The following SRMS variants were observed in gnomAD, a reference collection of about 807,000 sequenced individuals.
SRMS encodes the protein src-related kinase lacking C-terminal regulatory tyrosine and N-terminal myristylation sites, also known as tyrosine-protein kinase Srms.
A neutral mutation model predicts 43.5 loss-of-function variants in SRMS; 42 were observed. That is an observed-to-expected ratio of 0.97 (90% CI 0.75 to 1.25). SRMS has a LOEUF of 1.25. Among genes scored for constraint, SRMS ranks in the 50% most tolerant of loss-of-function variants. SRMS has a pLI of 0.00. For synonymous variants in SRMS, 316 were observed against 308.2 expected (o/e 1.03, Z -0.27); for missense variants, 703 against 681.0 (o/e 1.03, Z -0.36).
rs555715787 is a variant in SRMS, at chr20:63,545,643, G to A, written c.357-1295C>T. Among the ~76,000 whole-genome samples the A allele has an allele frequency of 1.3e-3, 204 of 152,326 alleles. 1 individual carries two copies. The highest frequency in any genetic ancestry group is 2.1e-3 in the Non-Finnish European group (141 of 68,026). ...AGGAATAGAAACTGACATGACCAGG[G>A]CCGTGGGGCTGGGCTTAAGTTGAAG... On this transcript the variant is annotated intron_variant, in intron 1 of 7. Transcript: ENST00000217188.
chr20:63,543,698 T>C (rs571999881), intron 2 of SRMS: 1 of 577,290 alleles, frequency 1.7e-6, no homozygotes, highest in South Asian at 2.3e-5. Flanking sequence ...CTGCTGACGG[T>C]GTGCACAGAG....
chr20:63,546,278 G>A (rs1049732931), intron 1 of SRMS, among the ~76,000 whole-genome samples: 2 of 150,068 alleles, frequency 1.3e-5, no homozygotes, highest in East Asian at 2.3e-4. Context: ...CTGTGACTCC[G>A]GCTTCACCCG....
rs369662659 is a variant in SRMS, at chr20:63,544,399, C to T, written c.357-51G>A. The T allele has an allele frequency of 2.1e-6, 3 of 1,421,456 alleles. No homozygotes were observed. The African/African-American group carries it at 4.5e-5, about 21-fold the overall frequency. The allele number at this position is 1,421,456 out of a possible 1,614,324, so 88.1% of individuals were successfully genotyped here. On this transcript the variant is annotated intron_variant, in intron 1 of 7. Coordinates refer to ENST00000217188, the MANE Select transcript of SRMS (RefSeq NM_080823.4). ...CCTTGCAGGCCCCTCAGCCAGTGGC[C>T]CCACATGCTCTCCTCCGTGTTGCCG...
At position 63,547,524 on chromosome 20, in the gene SRMS, C is replaced by A; in HGVS notation, c.-61G>T. On this transcript the variant is annotated 5_prime_UTR_variant, in exon 1 of 8. Transcript: ENST00000217188. ...GGAGCCCGCGAGCCCGGAAGAGGAA[C>A]TGGCAGGGCCGGTGGGACCCGGTGT... is the stretch of plus-strand genomic sequence containing the variant. The A allele has an allele frequency of 2.8e-6, 4 of 1,403,782 alleles. No individual in the cohort carries two copies. The highest frequency in any genetic ancestry group is 3.7e-6 in the Non-Finnish European group (4 of 1,070,548). 87.0% of individuals were successfully genotyped at this position (1,403,782 alleles called of 1,614,324 possible). A position where few individuals can be genotyped will look rare whatever the true frequency, so the allele number is the denominator to read the frequency against.
chr20:63,547,477 C>A lies in SRMS; in HGVS notation c.-14G>T. On this transcript the variant is annotated 5_prime_UTR_variant, in exon 1 of 8. Coordinates refer to ENST00000217188, the MANE Select transcript of SRMS (RefSeq NM_080823.4). ...GAACGGCTCCATCCCCCGGGGTCACCACGCTGGGCCCGAGGGCCATGGGAG... is the reference window on the plus strand; with the variant it reads ...GAACGGCTCCATCCCCCGGGGTCACAACGCTGGGCCCGAGGGCCATGGGAG... 1 of 1,465,334 alleles carries A rather than the reference C, an allele frequency of 6.8e-7. No individual in the cohort carries two copies. The highest frequency in any genetic ancestry group is 9.0e-7 in the Non-Finnish European group (1 of 1,105,706). 90.8% of individuals were successfully genotyped at this position (1,465,334 alleles called of 1,614,324 possible).
chr20:63,541,122 CGTCCAGGCCCGG>C, intron 7 of SRMS, 57 bp downstream of exon 7: 1 of 1,552,400 alleles, frequency 6.4e-7, no homozygotes, highest in Non-Finnish European at 8.7e-7. Flanking sequence ...TTGCCGACAG[CGTCCAGGCCCGG>C]GGCCAGTGAC....
chr20:63,542,838 G>T (rs1002449850), intron 3 of SRMS, among the ~76,000 whole-genome samples: 2 of 152,178 alleles, frequency 1.3e-5, no homozygotes, highest in Admixed American at 1.3e-4. Flanking sequence ...ACTGCCCCTG[G>T]CCGCGCTGTC....
At position 63,547,328 on chromosome 20, in the gene SRMS, C is replaced by A; in HGVS notation, c.136G>T (p.Ala46Ser). 6.3e-7 allele frequency: 1 copy of A among 1,593,874 alleles called. No homozygotes were observed. The highest frequency in any genetic ancestry group is 1.7e-5 in the Admixed American group (1 of 58,170). Reference sequence around the variant, plus strand: ...TGAGGGAAGGGGCTGCAAGGCTCGGCGGGGAGCGTGGGCACTGGGTCAGTG... The same window carrying A: ...TGAGGGAAGGGGCTGCAAGGCTCGGAGGGGAGCGTGGGCACTGGGTCAGTG... ...PNTDPVPTLPAEPCSPFPQLF... is the reference protein window; with the variant it reads ...PNTDPVPTLPSEPCSPFPQLF... The change falls in exon 1 of 8, where the codon GCC (alanine) becomes TCC (serine). Residue 46 changes from alanine to serine, a missense_variant. Ala to Ser is a moderately conservative substitution (Grantham distance 99). Transcript: ENST00000217188.
In SRMS at chr20:63,540,863, G is replaced by T; in HGVS notation, c.1422C>A (p.Ala474=). The T allele has an allele frequency of 6.2e-7, 1 of 1,605,954 alleles. No homozygotes were observed. The highest frequency in any genetic ancestry group is 8.5e-7 in the Non-Finnish European group (1 of 1,179,110). Residue 474 remains alanine (A), a synonymous_variant, in exon 8 of 8, where the codon GCC becomes GCA. Coordinates refer to ENST00000217188, the MANE Select transcript of SRMS (RefSeq NM_080823.4). ...TGGCGTGCAGCTTCTCCCGCAGCGTGGCGAAGGAGGGCCGTTCCTCGGGGC... is the reference window on the plus strand; with the variant it reads ...TGGCGTGCAGCTTCTCCCGCAGCGTTGCGAAGGAGGGCCGTTCCTCGGGGC... The part of the protein sequence containing the change: ...RSSPEERPSF[A]TLREKLHAIH...
At position 63,538,727 on chromosome 20, in the gene SRMS, G is replaced by A. The variant is rs1180824788; in HGVS notation, c.*2091C>T. 7.6e-6 allele frequency among the ~76,000 whole-genome samples: 1 copy of A among 132,414 alleles called. No individual in the cohort carries two copies. Among genetic ancestry groups the A allele is most frequent in the Non-Finnish European group, 1.6e-5 (1 of 61,324 alleles). 86.9% of individuals were successfully genotyped at this position (132,414 alleles called of 152,430 possible). A position where few individuals can be genotyped will look rare whatever the true frequency, so the allele number is the denominator to read the frequency against. On this transcript the variant is annotated 3_prime_UTR_variant, in exon 8 of 8. Transcript: ENST00000217188. ...GAGGATGCAGGGGGAGGGGTGGGGGGTGGGGAATGCGGAAGGAGGGTGCCG... is the reference window on the plus strand; with the variant it reads ...GAGGATGCAGGGGGAGGGGTGGGGGATGGGGAATGCGGAAGGAGGGTGCCG...
chr20:63,541,579 AGCCCAGGAGTGGCGGCAGAC>A lies in SRMS; in HGVS notation c.968_987del (p.Arg323LeufsTer7). ...ATGCCCTCAGCCACCTGGCAGGCAAAGCCCAGGAGTGGCGGCAGACGCAGGGCCCGGCCCTCGGGGGCTGC... is the reference window on the plus strand; with the variant it reads ...ATGCCCTCAGCCACCTGGCAGGCAAAGCAGGGCCCGGCCCTCGGGGGCTGC... On this transcript the variant is annotated frameshift_variant, in exon 6 of 8. Coordinates refer to ENST00000217188, the MANE Select transcript of SRMS (RefSeq NM_080823.4). LOFTEE classifies it high-confidence loss of function. 1 of 1,575,310 alleles carries A rather than the reference AGCCCAGGAGTGGCGGCAGAC, an allele frequency of 6.3e-7. No homozygotes were observed. The highest frequency in any genetic ancestry group is 1.1e-5 in the South Asian group (1 of 87,746).
chr20:63,542,681 C>G, intron 3 of SRMS, 100 bp from the exon 4 acceptor site: 1 of 1,377,394 alleles, frequency 7.3e-7, no homozygotes, highest in African/African-American at 1.5e-5. Flanking sequence ...ACCCCTGTCC[C>G]CAGCACACAC....
Position 63,542,563 on chromosome 20 carries a change from C to G in SRMS, c.664G>C (p.Val222Leu). The G allele has an allele frequency of 6.5e-7, 1 of 1,529,624 alleles. No individual in the cohort carries two copies. Among genetic ancestry groups the G allele is most frequent in the Non-Finnish European group, 8.9e-7 (1 of 1,127,740 alleles). 94.8% of individuals were successfully genotyped at this position (1,529,624 alleles called of 1,614,324 possible). A position where few individuals can be genotyped will look rare whatever the true frequency, so the allele number is the denominator to read the frequency against. ...AATTCGGAGTGTGGCCGCTCCCACA[C>G]GTCCTGCCTCGGGGCCTTCTGCAGG... ...CMPQKAPRQD[V>L]WERPHSEFAL... Residue 222 changes from valine to leucine, a missense_variant, in exon 4 of 8, where the codon GTG becomes CTG. Val to Leu is a conservative substitution (Grantham distance 32). Transcript: ENST00000217188.
intron 7 of SRMS, 33 bp from the exon 8 acceptor site, chr20:63,541,032 C>T (rs1266512001): frequency 6.2e-7 from 1 of 1,606,672 alleles, no homozygotes; most frequent in Non-Finnish European, 8.5e-7. Flanking sequence ...TGCCTCGATT[C>T]TGCCTGGGGG....
intron 1 of SRMS, among the ~76,000 whole-genome samples, chr20:63,546,108 G>C (rs993443762): frequency 6.6e-6 from 1 of 152,128 alleles, no homozygotes; most frequent in Non-Finnish European, 1.5e-5. Context: ...GCTCCACCAC[G>C]AGCCCTGCCC....
At position 63,542,155 on chromosome 20, in the gene SRMS, G is replaced by A; in HGVS notation, c.946+8C>T. 1.2e-6 allele frequency: 2 copies of A among 1,603,980 alleles called. No homozygotes were observed. Among genetic ancestry groups the A allele is most frequent in the Non-Finnish European group, 8.5e-7 (1 of 1,173,408 alleles). On this transcript the variant is annotated splice_region_variant and intron_variant, in intron 5 of 7. Transcript: ENST00000217188. ...TCAGGGCCACGTGGCAGCAGGGAGG[G>A]GACTCACTGCCCAGGAAGGCCTGCA...
intron 2 of SRMS, 69 bp from the exon 3 acceptor site, chr20:63,543,549 G>A (rs2082715939): frequency 1.9e-6 from 3 of 1,559,796 alleles, no homozygotes; most frequent in East Asian, 4.5e-5. Context: ...CACCCCAGAG[G>A]ATGCTGGCCA....
chr20:63,543,177 T>G, intron 3 of SRMS, 137 bp downstream of exon 3: 1 of 1,061,678 alleles, frequency 9.4e-7, no homozygotes. Flanking sequence ...GATGCTCCGA[T>G]GCTCCCAGGC....
rs540850265 is a variant in SRMS, at chr20:63,547,739, G to A, written c.-276C>T. On this transcript the variant is annotated 5_prime_UTR_variant, in exon 1 of 8. In the 5' UTR this introduces an upstream ATG that the reference lacks. Coordinates refer to ENST00000217188, the MANE Select transcript of SRMS (RefSeq NM_080823.4). ...ACCTCCTGTCCTCGACCTCCTTGGC[G>A]TCTGGAGTGCACCGTCCCCTCCCCA... is the stretch of plus-strand genomic sequence containing the variant. Among the ~76,000 whole-genome samples, 6 of 152,334 alleles carry A rather than the reference G, an allele frequency of 3.9e-5. No homozygotes were observed. The highest frequency in any genetic ancestry group is 2.1e-4 in the South Asian group (1 of 4,830).
Sources: gnomAD v4.1 joint callset for allele counts (sites outside exome capture counted in the v4.1 genomes callset) on GRCh38, gnomAD v4.1.1 for gene constraint, MANE v1.5 for transcripts, NCBI Gene and HGNC (gene_info 2026-07-23, HGNC 2026-07-21) for gene names.